FAM124A: variants seen among roughly 807,000 people sequenced by gnomAD.
The protein encoded by FAM124A is family with sequence similarity 124 member A.
In FAM124A, 23 loss-of-function variants were observed where a neutral mutation model predicts 24.5. The ratio of observed to expected loss-of-function variants is 0.94; its 90% CI spans 0.68 to 1.33. FAM124A has a LOEUF of 1.33. FAM124A is among the 40% of genes most tolerant of loss of function. The pLI, the probability that FAM124A is intolerant of heterozygous loss-of-function variation, is 0.00. For missense variants in FAM124A, 623 were observed against 722.8 expected (o/e 0.86, Z 1.58); for synonymous variants, 287 against 314.7 (o/e 0.91, Z 0.93).
At position 51,258,742 on chromosome 13, in the gene FAM124A, TC is replaced by T. The variant is rs1954700723; in HGVS notation, c.834+6544del. On this transcript the variant is annotated intron_variant, in intron 3 of 3. Transcript: ENST00000322475. This position sits in a 1 kb window ranked among gnomAD's most constrained non-coding sequence, Gnocchi z 4.2. ...TCTGAACACTTAGGATGGTAATTCT[TC>T]CCTAGCAGAGTCACTGAGACCTGTG... Among the ~76,000 whole-genome samples, 1 of 152,220 alleles carries T rather than the reference TC, an allele frequency of 6.6e-6. No individual in the cohort carries two copies. Among genetic ancestry groups the T allele is most frequent in the African/African-American group, 2.4e-5 (1 of 41,452 alleles).
intron 3 of FAM124A, among the ~76,000 whole-genome samples, chr13:51,261,414 C>G (rs981996332): frequency 6.6e-6 from 1 of 152,192 alleles, no homozygotes; most frequent in Non-Finnish European, 1.5e-5. Flanking sequence ...TGCCAGCTAC[C>G]CAGCATGCTT....
chr13:51,249,093 C>G (rs1056434106), intron 2 of FAM124A, among the ~76,000 whole-genome samples: 1 of 152,176 alleles, frequency 6.6e-6, no homozygotes, highest in African/African-American at 2.4e-5. Flanking sequence ...CCACGGCCCC[C>G]TTCCAAATGT....
intron 1 of FAM124A, among the ~76,000 whole-genome samples, chr13:51,226,012 AACAG>A (rs1263855615): frequency 1.5e-5 from 1 of 67,546 alleles, no homozygotes; most frequent in Non-Finnish European, 2.4e-5. Context: ...TTTTTTTTTT[AACAG>A]ACAGGTCTCT....
rs538461740 is a variant in FAM124A at position 51,263,132 on chromosome 13, G to A, written c.834+10931G>A. 1.1e-4 allele frequency among the ~76,000 whole-genome samples: 16 copies of A among 152,330 alleles called. No individual in the cohort carries two copies. In the South Asian group the frequency reaches 2.9e-3, roughly 28 times the overall value. ...GGACCAAGGGTGGGGAGGGAGACAC[G>A]CTGGCCCTAAAGGGAGGTGGTAATG... On this transcript the variant is annotated intron_variant, in intron 3 of 3. Coordinates refer to ENST00000322475, the MANE Select transcript of FAM124A (RefSeq NM_001242312.2).
chr13:51,246,404 T>TGGGGGGGGGGG (rs55696364), intron 2 of FAM124A, among the ~76,000 whole-genome samples: 2 of 57,304 alleles, frequency 3.5e-5, no homozygotes, highest in Non-Finnish European at 3.7e-5. Flanking sequence ...TCTCGTGGGG[T>TGGGGGGGGGGG]GGGGGGGGGT....
chr13:51,247,212 C>T (rs1954573474), intron 2 of FAM124A, among the ~76,000 whole-genome samples: 1 of 152,188 alleles, frequency 6.6e-6, no homozygotes, highest in South Asian at 2.1e-4. Context: ...CGTGGCCACA[C>T]ATGGATGGAG....
At chr13:51,232,355 T>A (rs1298983682) in intron 2 of FAM124A, among the ~76,000 whole-genome samples, 1 of 152,228 alleles carries the variant, frequency 6.6e-6, no homozygotes, top group Non-Finnish European at 1.5e-5. Context: ...CCCTGATTGT[T>A]TAAATCAGTA....
At chr13:51,234,968 C>G (rs1954420647) in intron 2 of FAM124A, among the ~76,000 whole-genome samples, 1 of 152,152 alleles carries the variant, frequency 6.6e-6, no homozygotes, top group Non-Finnish European at 1.5e-5. Flanking sequence ...GCATCGTCCT[C>G]TTTTCCTCCA....
intron 2 of FAM124A, among the ~76,000 whole-genome samples, chr13:51,234,806 GCCAGAATCAACCCGAGCTTCTCTGAA>G: frequency 6.6e-6 from 1 of 152,288 alleles, no homozygotes; most frequent in Non-Finnish European, 1.5e-5. Context: ...GCAAGGGCCG[GCCAGAATCAACCCGAGCTTCTCTGAA>G]CCGTGAGCTG....
chr13:51,224,541 T>G (rs534084576), intron 1 of FAM124A, among the ~76,000 whole-genome samples: 1 of 152,302 alleles, frequency 6.6e-6, no homozygotes, highest in South Asian at 2.1e-4. Context: ...TGCATTTCAA[T>G]GTATGCTAAT....
intron 3 of FAM124A, among the ~76,000 whole-genome samples, chr13:51,255,835 T>C (rs1181207795): frequency 1.3e-5 from 2 of 152,230 alleles, no homozygotes; most frequent in Non-Finnish European, 2.9e-5. Context: ...TGGCTTTGCT[T>C]AATCTCAGAG....
intron 3 of FAM124A, among the ~76,000 whole-genome samples, chr13:51,274,772 G>A (rs2137708777): frequency 6.6e-6 from 1 of 152,216 alleles, no homozygotes; most frequent in South Asian, 2.1e-4. Flanking sequence ...TTGAGTGCTT[G>A]CTATGTACAA....
At chr13:51,261,171 C>A (rs557947649) in intron 3 of FAM124A, among the ~76,000 whole-genome samples, 1 of 152,136 alleles carries the variant, frequency 6.6e-6, no homozygotes, top group Non-Finnish European at 1.5e-5. Flanking sequence ...CCCGCTTGGG[C>A]TCTGGTATTC....
At chr13:51,276,256 T>C (rs1593612374) in intron 3 of FAM124A, among the ~76,000 whole-genome samples, 2 of 151,948 alleles carry the variant, frequency 1.3e-5, no homozygotes, top group South Asian at 4.2e-4. Flanking sequence ...CCACAGGGGG[T>C]GCTAATTATC....
chr13:51,249,417 G>C (rs1489547331), intron 2 of FAM124A, among the ~76,000 whole-genome samples: 4 of 152,344 alleles, frequency 2.6e-5, no homozygotes, highest in Admixed American at 6.5e-5. Context: ...GCTGAAACTT[G>C]ACTCCGCTCT....
intron 2 of FAM124A, among the ~76,000 whole-genome samples, chr13:51,250,415 T>A (rs1330952531): frequency 1.3e-5 from 2 of 152,212 alleles, no homozygotes; most frequent in Non-Finnish European, 2.9e-5. Context: ...AAAACTTCTA[T>A]AAATGCAAAT....
chr13:51,222,739 G>C (rs1954274745), intron 1 of FAM124A, among the ~76,000 whole-genome samples, 170 bp downstream of exon 1: 1 of 152,152 alleles, frequency 6.6e-6, no homozygotes, highest in African/African-American at 2.4e-5. Context: ...CCTGGGCAGG[G>C]CGGGCACCAC....
At chr13:51,279,609 A>T (rs76738988) in intron 3 of FAM124A, among the ~76,000 whole-genome samples, 4,439 of 152,260 alleles carry the variant, frequency 0.029, 154 homozygotes, top group East Asian at 0.16. Context: ...GCATTGGAAG[A>T]GAGGTCTCCA....
intron 2 of FAM124A, among the ~76,000 whole-genome samples, chr13:51,246,412 G>GGT (rs1954562857): frequency 3.0e-5 from 4 of 135,170 alleles, no homozygotes; most frequent in Admixed American, 7.5e-5. Flanking sequence ...GGTGGGGGGG[G>GGT]GTGTAACTCT....
Sources: gnomAD v4.1 joint callset for allele counts (sites outside exome capture counted in the v4.1 genomes callset) on GRCh38, gnomAD v4.1.1 for gene constraint, Gnocchi (gnomAD v3.1) non-coding constraint, MANE v1.5 for transcripts, NCBI Gene and HGNC (gene_info 2026-07-23, HGNC 2026-07-21) for gene names.